Variants in SCN7A observed in about 807,000 individuals in gnomAD.
The protein encoded by SCN7A is sodium channel protein type 7 subunit alpha.
SCN7A carries 138 observed loss-of-function variants against 155.2 expected under a neutral mutation model. The ratio of observed to expected loss-of-function variants is 0.89; its 90% CI spans 0.77 to 1.02. SCN7A has a LOEUF of 1.02. SCN7A is among the 50% of genes least tolerant of loss of function. The pLI is 0.00. For synonymous variants in SCN7A, 693 were observed against 649.0 expected, an observed-to-expected ratio of 1.07 and a Z score of -1.03; for missense variants, 2,058 against 1,986.6, an observed-to-expected ratio of 1.04 and a Z score of -0.68.
At chr2:166,469,369 ACT>A (rs901643441) in intron 7 of SCN7A, among the ~76,000 whole-genome samples, 15 of 151,606 alleles carry the variant, frequency 9.9e-5, no homozygotes, top group African/African-American at 1.4e-4. Flanking sequence ...TGCCTATATT[ACT>A]CTCTCATTTC....
chr2:166,410,408 A>G (rs977330592), intron 23 of SCN7A, 84 bp from the exon 24 acceptor site: 2 of 855,296 alleles, frequency 2.3e-6, no homozygotes, highest in Non-Finnish European at 3.5e-6. Flanking sequence ...AAGACTTGGC[A>G]ATTATTGATT....
At chr2:166,407,105 G>T (rs1701093564) in intron 25 of SCN7A, among the ~76,000 whole-genome samples, 1 of 151,992 alleles carries the variant, frequency 6.6e-6, no homozygotes, top group South Asian at 2.1e-4. Context: ...AATAGTGACA[G>T]ACATTTAAAA....
rs1328205800 is a variant in SCN7A, at chr2:166,432,676, G to A, written c.2234C>T (p.Ala745Val). 6.2e-7 allele frequency: 1 copy of A among 1,605,404 alleles called. No individual in the cohort carries two copies. Among genetic ancestry groups the A allele is most frequent in the Admixed American group, 1.7e-5 (1 of 58,586 alleles). ...TGCCACTGCAAGCTGGAGATTTTTT[G>A]CTTCATTATTCTCTTCAGCTGTTAC... ...KDVTAEENNE[A>V]KNLQLAVARI... Residue 745 changes from alanine (A) to valine (V), a missense_variant, in exon 16 of 26, where the codon GCA becomes GTA. Transcript: ENST00000643258.
intron 11 of SCN7A, among the ~76,000 whole-genome samples, chr2:166,452,334 A>C (rs771367709): frequency 1.3e-5 from 2 of 151,822 alleles, no homozygotes; most frequent in African/African-American, 2.4e-5. Flanking sequence ...TATTAGACTT[A>C]AATTTTAGGA....
intron 5 of SCN7A, 106 bp from the exon 6 acceptor site, chr2:166,472,551 G>T: frequency 4.2e-6 from 4 of 946,102 alleles, no homozygotes; most frequent in South Asian, 1.8e-5. Context: ...TAAGTCATCA[G>T]GAAGGTGAGA....
In SCN7A at chr2:166,406,564, G is replaced by A. The variant is rs890855977; in HGVS notation, c.4065C>T (p.His1355=). 3 of 1,612,838 alleles carry A rather than the reference G, an allele frequency of 1.9e-6. No homozygotes were observed. Among genetic ancestry groups the A allele is most frequent in the Non-Finnish European group, 8.5e-7 (1 of 1,179,212 alleles). ...TTGGTCCTTTTCCAAGACGCAGCATGTGAATGATCCGTGAGAGAAGTATCA... is the reference window on the plus strand; with the variant it reads ...TTGGTCCTTTTCCAAGACGCAGCATATGAATGATCCGTGAGAGAAGTATCA... The part of the protein sequence containing the change: ...VQLILLSRII[H]MLRLGKGPKV... The change falls in exon 26 of 26, where the codon CAC becomes CAT. Residue 1355 remains histidine (H), a synonymous_variant. Coordinates refer to ENST00000643258, the MANE Select transcript of SCN7A (RefSeq NM_002976.4).
At chr2:166,493,218 A>G (rs1451367486) in intron 1 of SCN7A, among the ~76,000 whole-genome samples, 1 of 152,158 alleles carries the variant, frequency 6.6e-6, no homozygotes, top group African/African-American at 2.4e-5. Context: ...CCATTTCAAG[A>G]TATTTTTCAG....
Position 166,405,917 on chromosome 2 carries a change from C to T in SCN7A, c.4712G>A (p.Arg1571Lys). ...AAGTAAGATATCGAGGCAATGAATT[C>T]TGTCCCCAACAGCCATGGGGAGGTC... ...ALDLPMAVGDRIHCLDILLAF... is the reference protein window; with the variant it reads ...ALDLPMAVGDKIHCLDILLAF... The change falls in exon 26 of 26, where the codon AGA (arginine) becomes AAA (lysine). Residue 1571 changes from arginine to lysine, a missense_variant. Coordinates refer to ENST00000643258, the MANE Select transcript of SCN7A (RefSeq NM_002976.4). 2 of 1,613,120 alleles carry T rather than the reference C, an allele frequency of 1.2e-6. No homozygotes were observed. Among genetic ancestry groups the T allele is most frequent in the Non-Finnish European group, 8.5e-7 (1 of 1,179,386 alleles).
At position 166,482,342 on chromosome 2, in the gene SCN7A, C is replaced by G. The variant is rs573210094; in HGVS notation, c.-15+4514G>C. ...CAATGAAAATGGTTTAAACACCTTCCATCAAAACTGCAAGACCCAATTTGC... is the reference window on the plus strand; with the variant it reads ...CAATGAAAATGGTTTAAACACCTTCGATCAAAACTGCAAGACCCAATTTGC... On this transcript the variant is annotated intron_variant, in intron 2 of 25. Transcript: ENST00000643258. 1.9e-3 allele frequency among the ~76,000 whole-genome samples: 296 copies of G among 152,084 alleles called. 7 individuals carry two copies. The highest frequency in any genetic ancestry group is 0.019 in the Admixed American group (296 of 15,268).
At chr2:166,437,039 T>A (rs1252796912) in intron 15 of SCN7A, among the ~76,000 whole-genome samples, 1 of 152,202 alleles carries the variant, frequency 6.6e-6, no homozygotes, top group African/African-American at 2.4e-5. Context: ...GCACAAGTAA[T>A]GAGGAGCCAA....
intron 11 of SCN7A, among the ~76,000 whole-genome samples, chr2:166,456,234 T>C (rs1702271573): frequency 6.6e-6 from 1 of 151,918 alleles, no homozygotes; most frequent in South Asian, 2.1e-4. Flanking sequence ...AGCAATAGCA[T>C]TAGGAGAAAT....
In SCN7A at chr2:166,427,782, A is replaced by C; in HGVS notation, c.2853+6T>G. ...AAAGTATCAAACACCCTGGCTGCCC[A>C]CTTACCAGAGTGCCAGTGCTGAGCA... On this transcript the variant is annotated splice_donor_region_variant and intron_variant, in intron 18 of 25. Transcript: ENST00000643258. 1 of 1,603,962 alleles carries C rather than the reference A, an allele frequency of 6.2e-7. No individual in the cohort carries two copies. Among genetic ancestry groups the C allele is most frequent in the Non-Finnish European group, 8.5e-7 (1 of 1,173,722 alleles).
At chr2:166,440,116 T>C (rs993283754) in intron 15 of SCN7A, among the ~76,000 whole-genome samples, 10 of 152,218 alleles carry the variant, frequency 6.6e-5, no homozygotes, top group Non-Finnish European at 1.2e-4. Flanking sequence ...GAAAGCTTTC[T>C]CTCTTAGTTA....
Position 166,429,400 on chromosome 2 carries a change from G to T in SCN7A, c.2593-126C>A, listed in dbSNP as rs568030161. 32 of 622,574 alleles carry T rather than the reference G, an allele frequency of 5.1e-5. No homozygotes were observed. In the South Asian group the frequency reaches 6.3e-4, roughly 12 times the overall value. 38.6% of individuals were successfully genotyped at this position (622,574 alleles called of 1,614,324 possible). A position where few individuals can be genotyped will look rare whatever the true frequency, so the allele number is the denominator to read the frequency against. On this transcript the variant is annotated intron_variant, in intron 16 of 25. Coordinates refer to ENST00000643258, the MANE Select transcript of SCN7A (RefSeq NM_002976.4). ...AGAAATAATATTATTAGGTTTAAAA[G>T]ACTTAAGGCCAATTTCATGACTGAG...
intron 1 of SCN7A, among the ~76,000 whole-genome samples, chr2:166,488,824 G>A (rs907042372): frequency 6.6e-6 from 1 of 151,912 alleles, no homozygotes; most frequent in African/African-American, 2.4e-5. Context: ...TGTTAGTAGA[G>A]CTGGGGTTTC....
intron 1 of SCN7A, 132 bp from the exon 2 acceptor site, chr2:166,487,100 C>T (rs1333933130): frequency 6.6e-6 from 1 of 152,210 alleles, no homozygotes; most frequent in Non-Finnish European, 1.5e-5. Context: ...CCTTTCCAAC[C>T]CATCCAATCT....
chr2:166,452,256 T>C (rs1025854757), intron 11 of SCN7A, among the ~76,000 whole-genome samples: 1 of 152,044 alleles, frequency 6.6e-6, no homozygotes, highest in Non-Finnish European at 1.5e-5. Flanking sequence ...ATTATATCAT[T>C]TCAGTGTAAT....
chr2:166,480,981 G>A (rs1049778939), intron 2 of SCN7A, among the ~76,000 whole-genome samples: 1 of 152,122 alleles, frequency 6.6e-6, no homozygotes, highest in Non-Finnish European at 1.5e-5. Flanking sequence ...GAAAAAATAC[G>A]TGCTAGATAG....
At chr2:166,430,583 C>A (rs968619277) in intron 16 of SCN7A, among the ~76,000 whole-genome samples, 14 of 151,738 alleles carry the variant, frequency 9.2e-5, no homozygotes, top group African/African-American at 3.4e-4. Context: ...AGGTATTTTT[C>A]TAATTTTACA....
Sources: allele counts gnomAD v4.1 joint callset (sites outside exome capture counted in the v4.1 genomes callset), GRCh38; gene constraint gnomAD v4.1.1; transcripts MANE v1.5; gene names NCBI Gene and HGNC (gene_info 2026-07-23, HGNC 2026-07-21).